Variants in NAV3 observed in about 807,000 individuals in gnomAD.
NAV3 encodes the protein pore membrane and/or filament interacting like protein 1.
NAV3 carries 87 observed loss-of-function variants against 244.7 expected under a neutral mutation model. That is an observed-to-expected ratio of 0.36 (90% CI 0.30 to 0.42). The LOEUF (loss-of-function observed/expected upper bound fraction) is 0.42, where lower values mean the gene tolerates loss of function less well. NAV3 is among the 20% of genes least tolerant of loss of function. The probability of loss-of-function intolerance (pLI) is 1.00; values close to 1 mark genes in which losing one functional copy is unlikely to be tolerated. For missense variants in NAV3, 2,663 were observed against 2,893.3 expected, an observed-to-expected ratio of 0.92 and a Z score of 1.83; for synonymous variants, 1,126 against 1,042.2, an observed-to-expected ratio of 1.08 and a Z score of -1.55.
chr12:77,962,386 A>G (rs1376606846), intron 3 of NAV3, among the ~76,000 whole-genome samples: 1 of 152,162 alleles, frequency 6.6e-6, no homozygotes, highest in African/African-American at 2.4e-5. Context: ...AACATGTCGA[A>G]AAAGAAACTT....
intron 2 of NAV3, among the ~76,000 whole-genome samples, chr12:77,824,241 ATTTTT>A (rs61710960): frequency 1.8e-4 from 19 of 104,902 alleles, no homozygotes; most frequent in African/African-American, 6.1e-4. Context: ...GCCCAACTAA[ATTTTT>A]TTTTTTTTTT....
chr12:77,660,637 G>A (rs149036979), intron 2 of NAV3, among the ~76,000 whole-genome samples: 2 of 152,066 alleles, frequency 1.3e-5, no homozygotes, highest in East Asian at 1.9e-4. Context: ...TATTATATAC[G>A]TGCATATATA....
chr12:78,191,645 T>C (rs767255863), intron 34 of NAV3, among the ~76,000 whole-genome samples: 1 of 152,170 alleles, frequency 6.6e-6, no homozygotes, highest in Admixed American at 6.6e-5. Context: ...GAACCTGAGG[T>C]AGAGTATTTG....
intron 2 of NAV3, among the ~76,000 whole-genome samples, chr12:77,590,105 G>T (rs766921910): frequency 6.6e-6 from 1 of 152,136 alleles, no homozygotes; most frequent in Non-Finnish European, 1.5e-5. Flanking sequence ...GGAAGAAAAA[G>T]TTGTCTATGT....
chr12:78,127,204 C>T lies in NAV3; in HGVS notation c.4276C>T (p.Leu1426=). The T allele has an allele frequency of 6.2e-7, 1 of 1,613,428 alleles. No homozygotes were observed. Among genetic ancestry groups the T allele is most frequent in the African/African-American group, 1.3e-5 (1 of 75,000 alleles). Residue 1426 remains leucine (L), a synonymous_variant, in exon 17 of 40, where the codon CTA becomes TTA. Transcript: ENST00000397909. The part of the protein sequence containing the change: ...LDRNTLPKKG[L]RYTPSSRQAN... The stretch of plus-strand genomic sequence containing the variant: ...CAGAAATACACTACCCAAAAAGGGA[C>T]TAAGGTATATATTCCTCTCAGCACA...
Position 78,198,869 on chromosome 12 carries a change from C to T in NAV3, c.6518+193C>T, listed in dbSNP as rs185120635. Among the ~76,000 whole-genome samples the T allele has an allele frequency of 2.7e-3, 394 of 145,990 alleles. 1 individual carries two copies. The highest frequency in any genetic ancestry group is 0.026 in the Middle Eastern group (7 of 274). ...CTTCTGACACTCTTTCTCAAGCCAA[C>T]GTTTTGTGATCTTCAACCTGTAATC... On this transcript the variant is annotated intron_variant, in intron 36 of 39. Transcript: ENST00000397909.
intron 2 of NAV3, among the ~76,000 whole-genome samples, chr12:77,739,576 A>G (rs902989655): frequency 2.6e-5 from 4 of 152,200 alleles, no homozygotes; most frequent in Admixed American, 6.5e-5. Flanking sequence ...TTTTTATTAG[A>G]AAAACTGATT....
chr12:77,828,824 T>C (rs1873292751), upstream of NAV3, among the ~76,000 whole-genome samples: 1 of 152,210 alleles, frequency 6.6e-6, no homozygotes, highest in African/African-American at 2.4e-5. Context: ...TGAATCCTTT[T>C]TTTTCAATCT....
At chr12:78,196,133 A>C (rs553125696) in intron 34 of NAV3, among the ~76,000 whole-genome samples, 1 of 152,228 alleles carries the variant, frequency 6.6e-6, no homozygotes, top group East Asian at 1.9e-4. Context: ...TGAAGTAAAT[A>C]GAATTCTCCA....
At chr12:78,128,579 AT>A in intron 17 of NAV3, 126 bp from the exon 18 acceptor site, 1 of 921,568 alleles carries the variant, frequency 1.1e-6, no homozygotes, top group Non-Finnish European at 1.6e-6. Flanking sequence ...CTGAGCAATT[AT>A]AATTAGATTC....
At position 78,168,800 on chromosome 12, in the gene NAV3, G is replaced by T. The variant is rs1957884475; in HGVS notation, c.4915G>T (p.Ala1639Ser). Residue 1639 changes from alanine (A) to serine (S), a missense_variant, in exon 24 of 40, where the codon GCT becomes TCT. Coordinates refer to ENST00000397909, the MANE Select transcript of NAV3 (RefSeq NM_001024383.2). Reference sequence around the variant, plus strand: ...AAGAGAAACCATTGAAATGCTGAAGGCTCAGAATTCTGCTGCCCAGGCGGC... The same window carrying T: ...AAGAGAAACCATTGAAATGCTGAAGTCTCAGAATTCTGCTGCCCAGGCGGC... The part of the protein sequence containing the change: ...ELRETIEMLK[A>S]QNSAAQAAIQ... The T allele has an allele frequency of 1.2e-6, 2 of 1,610,562 alleles. No homozygotes were observed. Among genetic ancestry groups the T allele is most frequent in the East Asian group, 2.2e-5 (1 of 44,748 alleles).
intron 5 of NAV3, among the ~76,000 whole-genome samples, chr12:77,972,643 T>C (rs1473713636): frequency 6.6e-6 from 1 of 152,216 alleles, no homozygotes; most frequent in South Asian, 2.1e-4. Context: ...ATATGAGAAG[T>C]GTTTTAATAT....
intron 1 of NAV3, among the ~76,000 whole-genome samples, chr12:77,845,063 T>A (rs1035138481): frequency 6.6e-6 from 1 of 152,228 alleles, no homozygotes; most frequent in Non-Finnish European, 1.5e-5. Flanking sequence ...ATTCTTTTTT[T>A]AGAATATCAA....
intron 12 of NAV3, among the ~76,000 whole-genome samples, chr12:78,073,890 T>A (rs1281484165): frequency 6.6e-6 from 1 of 152,150 alleles, no homozygotes; most frequent in East Asian, 1.9e-4. Flanking sequence ...AAATTTCAAT[T>A]TAATACTAAA....
At chr12:77,745,325 G>A (rs1868480296) in intron 2 of NAV3, among the ~76,000 whole-genome samples, 1 of 151,974 alleles carries the variant, frequency 6.6e-6, no homozygotes. Flanking sequence ...ATTGGTTCTT[G>A]TAAAAACTGG....
chr12:77,599,446 T>G (rs1280350136), intron 2 of NAV3, among the ~76,000 whole-genome samples: 2 of 151,926 alleles, frequency 1.3e-5, no homozygotes, highest in African/African-American at 4.8e-5. Flanking sequence ...TATTGTACTT[T>G]GTGACCTTTT....
chr12:77,869,211 T>C (rs956281434), intron 1 of NAV3, among the ~76,000 whole-genome samples: 3 of 149,584 alleles, frequency 2.0e-5, no homozygotes, highest in African/African-American at 7.3e-5. Context: ...CTAGGATGAA[T>C]TGCCTAACCT....
At chr12:77,733,834 A>ATTTTTT (rs56770236) in intron 2 of NAV3, among the ~76,000 whole-genome samples, 3 of 124,184 alleles carry the variant, frequency 2.4e-5, no homozygotes, top group African/African-American at 9.3e-5. Context: ...CTTGGTTTAG[A>ATTTTTT]TTTTTTTTTT....
chr12:77,943,003 G>A (rs1311943618), intron 3 of NAV3, among the ~76,000 whole-genome samples: 19 of 152,102 alleles, frequency 1.2e-4, no homozygotes, highest in Non-Finnish European at 2.8e-4. Context: ...TTACCTACTT[G>A]GCTATCATTC....
Sources: gnomAD v4.1 joint callset for allele counts (sites outside exome capture counted in the v4.1 genomes callset) on GRCh38, gnomAD v4.1.1 for gene constraint, MANE v1.5 for transcripts, NCBI Gene and HGNC (gene_info 2026-07-23, HGNC 2026-07-21) for gene names.